The following CCDC73 variants were observed in gnomAD, a reference collection of about 807,000 sequenced individuals.
The protein encoded by CCDC73 is coiled-coil domain-containing protein 73.
In CCDC73, 95 loss-of-function variants were observed where a neutral mutation model predicts 116.5. The observed-to-expected ratio is 0.82, with a 90% CI of 0.69 to 0.97. CCDC73 has a LOEUF of 0.97. CCDC73 is among the 50% of genes least tolerant of loss of function. The pLI is 0.00. For missense variants in CCDC73, 1,066 were observed against 1,206.8 expected (o/e 0.88, Z 1.73); for synonymous variants, 398 against 401.3 (o/e 0.99, Z 0.10).
intron 2 of CCDC73, among the ~76,000 whole-genome samples, chr11:32,750,600 A>G (rs1360140100): frequency 6.6e-6 from 1 of 152,158 alleles, no homozygotes; most frequent in Non-Finnish European, 1.5e-5. Context: ...AAAGCAGAGG[A>G]ATCTCTCCCC....
At chr11:32,661,331 A>G (rs1467505724) in intron 9 of CCDC73, among the ~76,000 whole-genome samples, 1 of 152,124 alleles carries the variant, frequency 6.6e-6, no homozygotes, top group Non-Finnish European at 1.5e-5. Flanking sequence ...TTTAAGTTCT[A>G]TGGTACATGT....
intron 12 of CCDC73, among the ~76,000 whole-genome samples, chr11:32,645,450 C>T (rs1401151998): frequency 6.6e-6 from 1 of 152,026 alleles, no homozygotes; most frequent in African/African-American, 2.4e-5. Context: ...TACCACCACA[C>T]TGGCTAATTT....
chr11:32,830,300 C>T, the CCDC73 span: 1 of 849,958 alleles, frequency 1.2e-6, no homozygotes, highest in Non-Finnish European at 1.6e-6. Context: ...GATCAGCCCT[C>T]GGCAGGGTCA....
intron 12 of CCDC73, among the ~76,000 whole-genome samples, chr11:32,648,433 TA>T (rs1301444490): frequency 6.6e-6 from 1 of 152,252 alleles, no homozygotes; most frequent in Non-Finnish European, 1.5e-5. Flanking sequence ...ACTATGAGTT[TA>T]TTCATGTTCA....
chr11:32,728,382 C>T (rs1341314654), intron 2 of CCDC73, among the ~76,000 whole-genome samples: 1 of 151,958 alleles, frequency 6.6e-6, no homozygotes. Flanking sequence ...CAGTTTTAAC[C>T]GTGGGAGCTC....
the CCDC73 span, among the ~76,000 whole-genome samples, chr11:32,808,724 AT>A: frequency 6.6e-6 from 1 of 152,176 alleles, no homozygotes; most frequent in South Asian, 2.1e-4. Context: ...GATAAGAAAT[AT>A]TTTTCTACCT....
chr11:32,820,466 A>C, the CCDC73 span, among the ~76,000 whole-genome samples: 1 of 152,170 alleles, frequency 6.6e-6, no homozygotes, highest in Admixed American at 6.6e-5. Context: ...TTAACTTTTT[A>C]ATATATGTAG....
At chr11:32,787,759 G>A (rs930871812) in intron 1 of CCDC73, among the ~76,000 whole-genome samples, 1 of 151,916 alleles carries the variant, frequency 6.6e-6, no homozygotes, top group African/African-American at 2.4e-5. Flanking sequence ...TACACAAGCT[G>A]GTGCATGTGT....
chr11:32,816,359 A>G, the CCDC73 span, among the ~76,000 whole-genome samples: 1 of 152,210 alleles, frequency 6.6e-6, no homozygotes, highest in Non-Finnish European at 1.5e-5. Context: ...AAGTTGTACC[A>G]AAATGTATTT....
At position 32,653,196 on chromosome 11, in the gene CCDC73, T is replaced by G. The variant is rs771444049; in HGVS notation, c.866A>C (p.Gln289Pro). 6.2e-7 allele frequency: 1 copy of G among 1,611,676 alleles called. No individual in the cohort carries two copies. The highest frequency in any genetic ancestry group is 1.1e-5 in the South Asian group (1 of 90,758). Residue 289 changes from glutamine (Q) to proline (P), a missense_variant, in exon 12 of 18, where the codon CAG becomes CCG. Coordinates refer to ENST00000335185, the MANE Select transcript of CCDC73 (RefSeq NM_001008391.4). Reference protein sequence around the residue: ...DIIISFQHMQQLLRQQIQANT... With the variant: ...DIIISFQHMQPLLRQQIQANT... ...AGCTTGAATTTGTTGCCGAAGTAACTGCTGCATATGTTGGAAAGAAATGAT... is the reference window on the plus strand; with the variant it reads ...AGCTTGAATTTGTTGCCGAAGTAACGGCTGCATATGTTGGAAAGAAATGAT...
chr11:32,702,450 A>G (rs1471456910), intron 4 of CCDC73, among the ~76,000 whole-genome samples: 1 of 152,152 alleles, frequency 6.6e-6, no homozygotes, highest in Non-Finnish European at 1.5e-5. Flanking sequence ...CATCTCTTCT[A>G]ATCCTTGTCA....
intron 12 of CCDC73, among the ~76,000 whole-genome samples, chr11:32,650,209 C>A (rs1855814357): frequency 6.6e-6 from 1 of 152,138 alleles, no homozygotes; most frequent in Admixed American, 6.6e-5. Flanking sequence ...AACAAAATTG[C>A]TAGATAAGCT....
At chr11:32,635,912 G>C (rs1331874149) in intron 13 of CCDC73, 82 bp from the exon 14 acceptor site, 1 of 861,676 alleles carries the variant, frequency 1.2e-6, no homozygotes, top group Non-Finnish European at 1.5e-6. Context: ...ATTAACAAAA[G>C]TTTCAGGAAA....
intron 4 of CCDC73, among the ~76,000 whole-genome samples, chr11:32,702,189 G>C (rs982812539): frequency 2.0e-5 from 3 of 152,088 alleles, no homozygotes; most frequent in African/African-American, 7.2e-5. Flanking sequence ...AAGGAAAAAG[G>C]AAGAAAAAAT....
intron 1 of CCDC73, among the ~76,000 whole-genome samples, chr11:32,770,116 G>A (rs1850479815): frequency 6.6e-6 from 1 of 152,184 alleles, no homozygotes; most frequent in Admixed American, 6.6e-5. Context: ...TTTTATACAA[G>A]TTTATTCAGT....
chr11:32,726,339 C>T (rs1850029425), intron 2 of CCDC73, among the ~76,000 whole-genome samples: 1 of 151,998 alleles, frequency 6.6e-6, no homozygotes, highest in African/African-American at 2.4e-5. Flanking sequence ...TGAATTTCCA[C>T]AGAGGACTGA....
chr11:32,616,578 C>T (rs969207660), intron 14 of CCDC73, among the ~76,000 whole-genome samples: 1 of 152,004 alleles, frequency 6.6e-6, no homozygotes, highest in African/African-American at 2.4e-5. Context: ...AATTCTGGGC[C>T]CACACTATCC....
At chr11:32,687,450 A>G (rs1856212234) in intron 6 of CCDC73, among the ~76,000 whole-genome samples, 1 of 152,206 alleles carries the variant, frequency 6.6e-6, no homozygotes, top group Non-Finnish European at 1.5e-5. Context: ...TGGTTATGTA[A>G]CAGGGTGTTT....
chr11:32,635,628 GA>G (rs1311224518), intron 14 of CCDC73, 67 bp downstream of exon 14: 2 of 1,195,214 alleles, frequency 1.7e-6, no homozygotes, highest in African/African-American at 1.6e-5. Context: ...ATAAAACAGG[GA>G]AAAAAATCAT....
Sources: gnomAD v4.1 joint callset for allele counts (sites outside exome capture counted in the v4.1 genomes callset) on GRCh38, gnomAD v4.1.1 for gene constraint, MANE v1.5 for transcripts, NCBI Gene and HGNC (gene_info 2026-07-23, HGNC 2026-07-21) for gene names.